Variants in PIK3AP1 observed in about 807,000 individuals in gnomAD.
The protein encoded by PIK3AP1 is phosphoinositide-3-kinase adaptor protein 1, also known as phosphoinositide 3-kinase adapter protein 1.
PIK3AP1 carries 21 observed loss-of-function variants against 88.1 expected under a neutral mutation model. The observed-to-expected ratio is 0.24, with a 90% CI of 0.17 to 0.34. PIK3AP1 has a LOEUF of 0.34. PIK3AP1 is among the 10% of genes least tolerant of loss of function. PIK3AP1 has a pLI of 1.00. For missense variants in PIK3AP1, 828 were observed against 1,035.7 expected, an observed-to-expected ratio of 0.80 and a Z score of 2.75; for synonymous variants, 398 against 400.0, an observed-to-expected ratio of 1.00 and a Z score of 0.06.
At chr10:96,676,308 C>CTTT (rs147680543) in intron 2 of PIK3AP1, among the ~76,000 whole-genome samples, 1 of 126,652 alleles carries the variant, frequency 7.9e-6, no homozygotes, top group Non-Finnish European at 1.7e-5. Flanking sequence ...TGTGACCTTG[C>CTTT]TTTTTTTTTT....
chr10:96,717,886 C>T (rs185677109), intron 1 of PIK3AP1, among the ~76,000 whole-genome samples: 2 of 152,328 alleles, frequency 1.3e-5, no homozygotes, highest in African/African-American at 2.4e-5. Context: ...AGCCTAACTT[C>T]TCCTGGATTT....
chr10:96,653,090 T>A (rs1362582356), intron 3 of PIK3AP1, among the ~76,000 whole-genome samples: 3 of 151,966 alleles, frequency 2.0e-5, no homozygotes, highest in African/African-American at 7.3e-5. Context: ...TTGAAGCTGA[T>A]AATAATAATA....
Position 96,635,410 on chromosome 10 carries a change from T to C in PIK3AP1, c.1376-6917A>G, listed in dbSNP as rs148098485. On this transcript the variant is annotated intron_variant, in intron 8 of 16. Transcript: ENST00000339364. ...CTTAAAAGAAGTTACCCAAAAATGA[T>C]TTTTCCATTTATATTATAAAGAAAA... 6.6e-5 allele frequency among the ~76,000 whole-genome samples: 10 copies of C among 152,340 alleles called. No homozygotes were observed. The East Asian group carries it at 1.9e-3, about 29-fold the overall frequency.
At chr10:96,697,240 C>A (rs1016551105) in intron 2 of PIK3AP1, among the ~76,000 whole-genome samples, 9 of 152,182 alleles carry the variant, frequency 5.9e-5, no homozygotes, top group African/African-American at 2.2e-4. Context: ...ACGGTGCAGT[C>A]ATTACAGCAA....
intron 2 of PIK3AP1, 71 bp from the exon 3 acceptor site, chr10:96,657,005 G>A (rs1030117835): frequency 1.3e-6 from 2 of 1,544,432 alleles, no homozygotes; most frequent in African/African-American, 1.4e-5. Context: ...CACCCCATGA[G>A]AGCCCCAAAT....
chr10:96,609,300 G>A (rs372733627), intron 14 of PIK3AP1, among the ~76,000 whole-genome samples: 2 of 152,150 alleles, frequency 1.3e-5, no homozygotes, highest in South Asian at 4.1e-4. Context: ...TTCAAATTCC[G>A]GCTATTCCAC....
intron 2 of PIK3AP1, among the ~76,000 whole-genome samples, chr10:96,697,577 T>A (rs1008067952): frequency 1.3e-5 from 2 of 152,142 alleles, no homozygotes; most frequent in East Asian, 3.9e-4. Context: ...ATTTTTTTTT[T>A]AATTAGCCGG....
intron 8 of PIK3AP1, among the ~76,000 whole-genome samples, chr10:96,628,881 T>TACATAC (rs150595125): frequency 2.3e-5 from 2 of 88,752 alleles, no homozygotes; most frequent in African/African-American, 9.1e-5. Context: ...TACACATATA[T>TACATAC]ATATATACAT....
chr10:96,665,505 G>A (rs192824361), intron 2 of PIK3AP1, among the ~76,000 whole-genome samples: 2 of 152,240 alleles, frequency 1.3e-5, no homozygotes, highest in Admixed American at 6.5e-5. Context: ...ATACTTTGGA[G>A]ATCCAGTCAG....
At chr10:96,649,807 G>T (rs902336933) in intron 6 of PIK3AP1, among the ~76,000 whole-genome samples, 2 of 152,172 alleles carry the variant, frequency 1.3e-5, no homozygotes, top group African/African-American at 2.4e-5. Flanking sequence ...CTCTCTAATT[G>T]GTGAAAAGCA....
At chr10:96,665,173 G>T (rs1843744258) in intron 2 of PIK3AP1, among the ~76,000 whole-genome samples, 1 of 152,164 alleles carries the variant, frequency 6.6e-6, no homozygotes, top group South Asian at 2.1e-4. Context: ...TATCCTCTCA[G>T]CTTTTATGAA....
At chr10:96,602,193 T>C in intron 16 of PIK3AP1, 87 bp downstream of exon 16, 1 of 1,149,138 alleles carries the variant, frequency 8.7e-7, no homozygotes. Context: ...CTGCGCTTAT[T>C]CTTTAGTCAT....
intron 8 of PIK3AP1, among the ~76,000 whole-genome samples, chr10:96,640,954 T>C (rs1473430222): frequency 6.6e-6 from 1 of 152,160 alleles, no homozygotes; most frequent in African/African-American, 2.4e-5. Context: ...TGAGCCACCA[T>C]GCCCGGCTGA....
At chr10:96,695,324 A>ATTAT (rs1405138894) in intron 2 of PIK3AP1, among the ~76,000 whole-genome samples, 9 of 152,222 alleles carry the variant, frequency 5.9e-5, no homozygotes, top group Non-Finnish European at 1.3e-4. Context: ...TAGTGCTAAT[A>ATTAT]TTATTCTATC....
At chr10:96,630,874 T>C (rs79785862) in intron 8 of PIK3AP1, among the ~76,000 whole-genome samples, 2,186 of 152,102 alleles carry the variant, frequency 0.014, 53 homozygotes, top group African/African-American at 0.05. Context: ...AAGGAACACA[T>C]ATTCTACAGG....
chr10:96,637,687 A>G (rs1843331568), intron 8 of PIK3AP1, among the ~76,000 whole-genome samples: 1 of 152,148 alleles, frequency 6.6e-6, no homozygotes, highest in Non-Finnish European at 1.5e-5. Flanking sequence ...TGACTATATT[A>G]GGAAATACCT....
chr10:96,603,754 C>A, intron 15 of PIK3AP1: 1 of 479,850 alleles, frequency 2.1e-6, no homozygotes, highest in Non-Finnish European at 3.8e-6. Context: ...AACCCTAATA[C>A]ACCTGTCCCC....
intron 14 of PIK3AP1, among the ~76,000 whole-genome samples, chr10:96,605,856 C>T (rs1231439861): frequency 2.6e-5 from 4 of 152,066 alleles, no homozygotes; most frequent in African/African-American, 9.7e-5. Context: ...GAGGCTGAGG[C>T]GGGTGGATCA....
rs1843536898 is a variant in PIK3AP1 at position 96,651,517 on chromosome 10, T to C, written c.847A>G (p.Met283Val). The C allele has an allele frequency of 6.2e-7, 1 of 1,614,100 alleles. No homozygotes were observed. The highest frequency in any genetic ancestry group is 1.3e-5 in the African/African-American group (1 of 74,940). ...LSNAANPVEF[M>V]CQAFKIVPYN... is the part of the protein sequence containing the mutation. ...CCTTGTAATATCCTTACCTGACACA[T>C]GAATTCCACAGGATTCGCGGCATTG... Residue 283 changes from methionine (M) to valine (V), a missense_variant, in exon 5 of 17, where the codon ATG becomes GTG. Physicochemically the swap from Met to Val is conservative, Grantham distance 21. Around this residue, in one of 3 missense-constraint regions of PIK3AP1, gnomAD observed 610 missense variants for 760.1 expected, o/e 0.80. Coordinates refer to ENST00000339364, the MANE Select transcript of PIK3AP1 (RefSeq NM_152309.3).
Sources: gnomAD v4.1 joint callset for allele counts (sites outside exome capture counted in the v4.1 genomes callset) on GRCh38, gnomAD v4.1.1 for gene constraint, gnomAD v4.1.1 regional missense constraint, MANE v1.5 for transcripts, NCBI Gene and HGNC (gene_info 2026-07-23, HGNC 2026-07-21) for gene names.